The following NFIB variants were observed in gnomAD, a reference collection of about 807,000 sequenced individuals.
NFIB encodes the protein nuclear factor 1 B-type.
Under a neutral mutation model 61.5 loss-of-function variants are expected in NFIB, and 11 were observed. That is an observed-to-expected ratio of 0.18 (90% CI 0.11 to 0.30). The LOEUF is 0.30. NFIB is among the 10% of genes least tolerant of loss of function. The probability of loss-of-function intolerance (pLI) is 1.00; values close to 1 mark genes in which losing one functional copy is unlikely to be tolerated. For missense variants in NFIB, 471 were observed against 608.9 expected (o/e 0.77, Z 2.38); for synonymous variants, 260 against 216.5 (o/e 1.20, Z -1.76).
intron 2 of NFIB, among the ~76,000 whole-genome samples, chr9:14,199,624 C>T (rs1426305112): frequency 6.6e-6 from 1 of 152,194 alleles, no homozygotes; most frequent in African/African-American, 2.4e-5. Flanking sequence ...ATGCTTATAG[C>T]CGTTTTACTT....
chr9:14,160,841 A>AT, intron 3 of NFIB, among the ~76,000 whole-genome samples: 1 of 149,916 alleles, frequency 6.7e-6, no homozygotes, highest in Non-Finnish European at 1.5e-5. Flanking sequence ...CAAAAAAAAA[A>AT]AAAAAAAAAA....
At chr9:14,129,927 G>C (rs1586892747) in intron 6 of NFIB, among the ~76,000 whole-genome samples, 1 of 152,210 alleles carries the variant, frequency 6.6e-6, no homozygotes, top group Non-Finnish European at 1.5e-5. Context: ...TGGTGGGAGG[G>C]AGGCAGGAGT....
rs557520956 is a variant in NFIB at position 14,197,258 on chromosome 9, A to G, written c.563-17478T>C. ...TGACTTTCTTAGGATCTGAGGGACG[A>G]CCCTTAACCTTTCTCAGTCTCACTC... is the stretch of plus-strand genomic sequence containing the variant. On this transcript the variant is annotated intron_variant, in intron 2 of 10. Coordinates refer to ENST00000380953, the MANE Select transcript of NFIB (RefSeq NM_001190737.2). 7.9e-5 allele frequency among the ~76,000 whole-genome samples: 12 copies of G among 152,278 alleles called. No individual in the cohort carries two copies. In the South Asian group the frequency reaches 2.5e-3, roughly 32 times the overall value.
the NFIB span, among the ~76,000 whole-genome samples, chr9:14,412,701 C>G: frequency 6.6e-6 from 1 of 152,104 alleles, no homozygotes; most frequent in Non-Finnish European, 1.5e-5. Context: ...TTCTTCAATG[C>G]CCCAGACCCA....
At chr9:14,135,268 A>G (rs969663416) in intron 6 of NFIB, among the ~76,000 whole-genome samples, 47 of 152,194 alleles carry the variant, frequency 3.1e-4, no homozygotes, top group African/African-American at 1.1e-3. Context: ...TACTATAAAT[A>G]ATTCCCAAAG....
chr9:14,122,516 T>C (rs2039074195), intron 7 of NFIB, among the ~76,000 whole-genome samples: 1 of 152,226 alleles, frequency 6.6e-6, no homozygotes, highest in Non-Finnish European at 1.5e-5. Flanking sequence ...AGAGAACAAA[T>C]GCGTATTTCT....
At chr9:14,352,682 C>T (rs1402102748) in intron 1 of NFIB, among the ~76,000 whole-genome samples, 1 of 152,240 alleles carries the variant, frequency 6.6e-6, no homozygotes, top group Non-Finnish European at 1.5e-5. Context: ...AGGCAAGCCT[C>T]TAAGCTTTAG....
intron 10 of NFIB, among the ~76,000 whole-genome samples, chr9:14,110,929 G>A (rs1178480991): frequency 6.6e-6 from 1 of 151,952 alleles, no homozygotes; most frequent in African/African-American, 2.4e-5. Context: ...ATTACATAGA[G>A]GACAAATTAT....
At chr9:14,483,350 G>T in the NFIB span, among the ~76,000 whole-genome samples, 2 of 152,176 alleles carry the variant, frequency 1.3e-5, no homozygotes, top group Non-Finnish European at 2.9e-5. Context: ...TTCAGAACGG[G>T]ATTCTGTGGA....
At chr9:14,462,413 G>T in the NFIB span, among the ~76,000 whole-genome samples, 1 of 152,002 alleles carries the variant, frequency 6.6e-6, no homozygotes, top group Non-Finnish European at 1.5e-5. Flanking sequence ...CTCCCCAGCA[G>T]CAGGGACTAC....
intron 3 of NFIB, among the ~76,000 whole-genome samples, chr9:14,176,953 T>C (rs987711877): frequency 2.6e-5 from 4 of 152,168 alleles, no homozygotes; most frequent in African/African-American, 9.7e-5. Context: ...TCCCAAGCTG[T>C]TGGGGAATAA....
chr9:14,320,907 G>A (rs1188399040), intron 1 of NFIB, among the ~76,000 whole-genome samples: 1 of 152,032 alleles, frequency 6.6e-6, no homozygotes, highest in East Asian at 1.9e-4. Flanking sequence ...GTGTATTTTG[G>A]CGCCTTTTCC....
At chr9:14,408,402 A>G in the NFIB span, among the ~76,000 whole-genome samples, 4 of 152,164 alleles carry the variant, frequency 2.6e-5, no homozygotes, top group East Asian at 3.9e-4. Flanking sequence ...TCAGATTTCC[A>G]TTATCCCTAG....
At chr9:14,302,935 A>G (rs2382466) in intron 2 of NFIB, among the ~76,000 whole-genome samples, 2 of 152,168 alleles carry the variant, frequency 1.3e-5, no homozygotes, top group South Asian at 4.1e-4. Context: ...TATCTAGGAA[A>G]CTTTAACCAA....
chr9:14,279,667 A>G (rs1181441343), intron 2 of NFIB, among the ~76,000 whole-genome samples: 1 of 152,182 alleles, frequency 6.6e-6, no homozygotes. Flanking sequence ...CACAACATGT[A>G]CTGCTGCTAG....
At chr9:14,226,377 C>T (rs2052417395) in intron 2 of NFIB, among the ~76,000 whole-genome samples, 2 of 151,718 alleles carry the variant, frequency 1.3e-5, no homozygotes, top group African/African-American at 4.8e-5. Context: ...GTGAGATCCC[C>T]ATCTCTACAA....
At chr9:14,345,956 G>T (rs983589075) in intron 1 of NFIB, among the ~76,000 whole-genome samples, 1 of 152,158 alleles carries the variant, frequency 6.6e-6, no homozygotes, top group Admixed American at 6.5e-5. Context: ...TTGACCCTCC[G>T]CAGGGCTTTC....
chr9:14,293,592 T>G (rs2059239515), intron 2 of NFIB, among the ~76,000 whole-genome samples: 1 of 152,196 alleles, frequency 6.6e-6, no homozygotes, highest in Non-Finnish European at 1.5e-5. Flanking sequence ...TTTCTGAACA[T>G]AAGTGCGGAG....
chr9:14,110,327 C>G (rs2037171429), intron 10 of NFIB, among the ~76,000 whole-genome samples: 1 of 151,932 alleles, frequency 6.6e-6, no homozygotes, highest in Admixed American at 6.6e-5. Flanking sequence ...AAGGATAAAT[C>G]TTTATAAAGC....
Sources: allele counts gnomAD v4.1 joint callset (sites outside exome capture counted in the v4.1 genomes callset), GRCh38; gene constraint gnomAD v4.1.1; transcripts MANE v1.5; gene names NCBI Gene and HGNC (gene_info 2026-07-23, HGNC 2026-07-21).